The following CEP112 variants were observed in gnomAD, a reference collection of about 807,000 sequenced individuals.
The protein encoded by CEP112 is centrosomal protein 112.
In CEP112, 127 loss-of-function variants were observed where a neutral mutation model predicts 153.0. The observed-to-expected ratio is 0.83, with a 90% CI of 0.72 to 0.96. CEP112 has a LOEUF of 0.96. Ranked by LOEUF, CEP112 falls within the 40% of genes least tolerant of loss-of-function variation. The probability of loss-of-function intolerance (pLI) is 0.00; values close to 1 mark genes in which losing one functional copy is unlikely to be tolerated. For synonymous variants in CEP112, 358 were observed against 374.4 expected (o/e 0.96, Z 0.51); for missense variants, 1,089 against 1,101.2 (o/e 0.99, Z 0.16).
intron 21 of CEP112, among the ~76,000 whole-genome samples, chr17:65,783,663 A>G (rs2054118559): frequency 6.6e-6 from 1 of 152,218 alleles, no homozygotes; most frequent in Non-Finnish European, 1.5e-5. Context: ...TCGCCACTTC[A>G]TTTTAATATA....
At chr17:65,840,496 A>C (rs575140037) in intron 21 of CEP112, among the ~76,000 whole-genome samples, 5 of 152,128 alleles carry the variant, frequency 3.3e-5, no homozygotes, top group Non-Finnish European at 7.4e-5. Flanking sequence ...CATATACAAA[A>C]ATTGAATCAA....
intron 24 of CEP112, among the ~76,000 whole-genome samples, chr17:65,669,641 T>G (rs142418693): frequency 1.3e-5 from 2 of 152,256 alleles, no homozygotes; most frequent in Admixed American, 1.3e-4. Flanking sequence ...CGGTGGCTCA[T>G]GCCTGTAATC....
chr17:66,159,262 A>G (rs1472927281), intron 4 of CEP112, among the ~76,000 whole-genome samples: 1 of 152,216 alleles, frequency 6.6e-6, no homozygotes, highest in Non-Finnish European at 1.5e-5. Context: ...GCCGAATTCT[A>G]CCATAGGTGC....
At chr17:65,927,338 C>T (rs899892718) in intron 19 of CEP112, among the ~76,000 whole-genome samples, 5 of 152,180 alleles carry the variant, frequency 3.3e-5, no homozygotes, top group African/African-American at 1.2e-4. Flanking sequence ...TACCCAGTCT[C>T]ATCAATTATA....
At chr17:65,815,645 C>T (rs1449831300) in intron 21 of CEP112, among the ~76,000 whole-genome samples, 1 of 151,992 alleles carries the variant, frequency 6.6e-6, no homozygotes, top group African/African-American at 2.4e-5. Context: ...CTTGGTATTT[C>T]CTTCCATTTA....
intron 19 of CEP112, among the ~76,000 whole-genome samples, 189 bp from the exon 20 acceptor site, chr17:65,902,523 T>C (rs772585374): frequency 1.3e-5 from 2 of 152,032 alleles, no homozygotes; most frequent in Non-Finnish European, 2.9e-5. Flanking sequence ...ATATTCAAAA[T>C]AGTTGGGCAT....
At chr17:66,034,415 T>C (rs2065620975) in intron 12 of CEP112, among the ~76,000 whole-genome samples, 1 of 152,174 alleles carries the variant, frequency 6.6e-6, no homozygotes, top group Non-Finnish European at 1.5e-5. Flanking sequence ...TTTTTTTCCT[T>C]ATATGAATCC....
At chr17:65,702,938 C>T (rs2048713834) in intron 23 of CEP112, among the ~76,000 whole-genome samples, 1 of 152,128 alleles carries the variant, frequency 6.6e-6, no homozygotes, top group African/African-American at 2.4e-5. Flanking sequence ...TCCAGTCCCT[C>T]CCATGACACG....
In CEP112 at chr17:66,163,789, A is replaced by G. The variant is rs554845839; in HGVS notation, c.470+11255T>C. Among the ~76,000 whole-genome samples, 26 of 152,322 alleles carry G rather than the reference A, an allele frequency of 1.7e-4. 1 individual carries two copies. The South Asian group carries it at 5.4e-3, about 32-fold the overall frequency. On this transcript the variant is annotated intron_variant, in intron 4 of 26. Coordinates refer to ENST00000535342, the MANE Select transcript of CEP112 (RefSeq NM_001199165.4). ...ACACTCAATATTTAAATTTCATTAA[A>G]ATTAAATGTTAAAATATAAGCTGTT...
intron 24 of CEP112, among the ~76,000 whole-genome samples, chr17:65,662,777 A>G (rs2046457059): frequency 6.6e-6 from 1 of 152,200 alleles, no homozygotes; most frequent in Non-Finnish European, 1.5e-5. Flanking sequence ...GCCACTCTTC[A>G]TGTTTATTGG....
chr17:66,144,986 CAACAGTG>C (rs2070861540), intron 4 of CEP112, among the ~76,000 whole-genome samples: 2 of 152,176 alleles, frequency 1.3e-5, no homozygotes, highest in South Asian at 4.1e-4. Context: ...ATACTCCCAT[CAACAGTG>C]TATGAGACTT....
chr17:65,852,965 G>A (rs780417460), intron 20 of CEP112, among the ~76,000 whole-genome samples: 5 of 152,030 alleles, frequency 3.3e-5, no homozygotes, highest in Non-Finnish European at 5.9e-5. Flanking sequence ...TTTCATTATC[G>A]TTTAGTTCAA....
At chr17:65,693,570 A>G (rs2048220708) in intron 23 of CEP112, among the ~76,000 whole-genome samples, 1 of 152,054 alleles carries the variant, frequency 6.6e-6, no homozygotes, top group Non-Finnish European at 1.5e-5. Context: ...AGGGAATTGG[A>G]AAAAAGGGAC....
At chr17:65,821,518 ATATATATATATATATATATATATT>A (rs2056559357) in intron 21 of CEP112, among the ~76,000 whole-genome samples, 1 of 27,548 alleles carries the variant, frequency 3.6e-5, no homozygotes, top group Admixed American at 6.4e-4. Context: ...ATATAATTAT[ATATATATATATATATATATATATT>A]TTTTTTTTTT....
intron 23 of CEP112, among the ~76,000 whole-genome samples, chr17:65,721,758 A>G (rs2049900701): frequency 6.6e-6 from 1 of 152,174 alleles, no homozygotes; most frequent in Non-Finnish European, 1.5e-5. Flanking sequence ...TAAATTAGTT[A>G]GTGTTTAAAA....
intron 18 of CEP112, among the ~76,000 whole-genome samples, chr17:65,951,390 T>A (rs1744635969): frequency 6.6e-6 from 1 of 152,220 alleles, no homozygotes; most frequent in African/African-American, 2.4e-5. Context: ...TATTTTTAAT[T>A]GGCAATTAAA....
intron 21 of CEP112, among the ~76,000 whole-genome samples, chr17:65,836,310 T>C (rs1049364231): frequency 6.6e-6 from 1 of 152,108 alleles, no homozygotes; most frequent in Non-Finnish European, 1.5e-5. Flanking sequence ...TGAATGCAAA[T>C]GGGTTAAATT....
chr17:65,748,391 A>C lies in CEP112; in HGVS notation c.2457+2271T>G, dbSNP rs113648661. ...CCTTCAAGTCTTTTCTTGGGAAAAC[A>C]GTTAGCAACCCTGTGCCTCTCCAAG... On this transcript the variant is annotated intron_variant, in intron 22 of 26. Transcript: ENST00000535342. 6.1e-3 allele frequency among the ~76,000 whole-genome samples: 931 copies of C among 152,296 alleles called. 12 individuals carry two copies. Among genetic ancestry groups the C allele is most frequent in the African/African-American group, 0.021 (874 of 41,550 alleles).
At position 65,927,352 on chromosome 17, in the gene CEP112, G is replaced by A. The variant is rs369516938; in HGVS notation, c.1980+230C>T. Among the ~76,000 whole-genome samples, 26 of 152,188 alleles carry A rather than the reference G, an allele frequency of 1.7e-4. No individual in the cohort carries two copies. The East Asian group carries it at 1.7e-3, about 10-fold the overall frequency. On this transcript the variant is annotated intron_variant, in intron 19 of 26. Transcript: ENST00000535342. ...CTACCCAGTCTCATCAATTATAATC[G>A]ATGTTTCAATCAAACATTCAGATAA...
Sources: gnomAD v4.1 joint callset for allele counts (sites outside exome capture counted in the v4.1 genomes callset) on GRCh38, gnomAD v4.1.1 for gene constraint, MANE v1.5 for transcripts, NCBI Gene and HGNC (gene_info 2026-07-23, HGNC 2026-07-21) for gene names.